NLK: variants seen among roughly 807,000 people sequenced by gnomAD.
NLK encodes nemo like kinase.
Under a neutral mutation model 59.0 loss-of-function variants are expected in NLK, and 11 were observed. That is an observed-to-expected ratio of 0.19 (90% CI 0.12 to 0.31). The LOEUF (loss-of-function observed/expected upper bound fraction) is 0.31. Among genes scored for constraint, NLK ranks in the 10% least tolerant of loss-of-function variants. The pLI is 1.00. For synonymous variants in NLK, 235 were observed against 235.9 expected, an observed-to-expected ratio of 1.00 and a Z score of 0.03; for missense variants, 410 against 661.1, an observed-to-expected ratio of 0.62 and a Z score of 4.16.
At position 28,195,476 on chromosome 17, in the gene NLK, T is replaced by C. The variant is rs2142077329; in HGVS notation, c.*840T>C. 6.6e-6 allele frequency: 1 copy of C among 152,588 alleles called. No homozygotes were observed. Among genetic ancestry groups the C allele is most frequent in the East Asian group, 1.9e-4 (1 of 5,186 alleles). 9.5% of individuals were successfully genotyped at this position (152,588 alleles called of 1,614,324 possible). A position where few individuals can be genotyped will look rare whatever the true frequency, so the allele number is the denominator to read the frequency against. On this transcript the variant is annotated 3_prime_UTR_variant, in exon 11 of 11. Coordinates refer to ENST00000407008, the MANE Select transcript of NLK (RefSeq NM_016231.5). ...TTGCTGTATAGAAAGAGAACTAGCT[T>C]GCACATTTTAGGTCTGTGAAATTTT...
intron 1 of NLK, among the ~76,000 whole-genome samples, chr17:28,116,766 TC>T (rs1905793324): frequency 6.6e-6 from 1 of 152,236 alleles, no homozygotes; most frequent in Non-Finnish European, 1.5e-5. Flanking sequence ...TAAATTTTTT[TC>T]TAGTCCTCAA....
chr17:28,043,199 C>T lies in NLK; in HGVS notation c.326C>T (p.Ala109Val). The change falls in exon 1 of 11, where the codon GCC (alanine) becomes GTC (valine). Residue 109 changes from alanine (A) to valine (V), a missense_variant. Coordinates refer to ENST00000407008, the MANE Select transcript of NLK (RefSeq NM_016231.5). ...CAGGCTCCTGGACCAGCTGCAGCAG[C>T]CCCAGCTCAGGTACAGGCTGCCGCA... ...PGQAPGPAAA[A>V]PAQVQAAAAA... The T allele has an allele frequency of 1.2e-6, 2 of 1,613,990 alleles. No homozygotes were observed. The highest frequency in any genetic ancestry group is 1.3e-5 in the African/African-American group (1 of 75,024).
At chr17:28,127,887 G>A (rs1043885699) in intron 2 of NLK, among the ~76,000 whole-genome samples, 1 of 152,116 alleles carries the variant, frequency 6.6e-6, no homozygotes, top group African/African-American at 2.4e-5. Context: ...AAGGTATAAA[G>A]CACAAGATAT....
intron 1 of NLK, among the ~76,000 whole-genome samples, chr17:28,092,878 A>C (rs1391323373): frequency 2.6e-5 from 4 of 151,472 alleles, no homozygotes; most frequent in Admixed American, 1.3e-4. Context: ...TCACTGCAAC[A>C]TCCGCCTCCC....
chr17:28,120,238 GTGTGT>G (rs1905972057), intron 1 of NLK, among the ~76,000 whole-genome samples: 4 of 16,722 alleles, frequency 2.4e-4, no homozygotes, highest in African/African-American at 1.1e-3. Flanking sequence ...GGCTTGGGGT[GTGTGT>G]GTGTGTGTGT....
chr17:28,136,283 C>T (rs962129691), intron 3 of NLK, among the ~76,000 whole-genome samples: 1 of 152,168 alleles, frequency 6.6e-6, no homozygotes, highest in African/African-American at 2.4e-5. Flanking sequence ...ACCTAAACTT[C>T]AGTAGTCTTC....
At chr17:28,051,535 T>G (rs1380760180) in intron 1 of NLK, among the ~76,000 whole-genome samples, 8 of 152,042 alleles carry the variant, frequency 5.3e-5, no homozygotes, top group Admixed American at 3.3e-4. Flanking sequence ...ATTTTTGTAT[T>G]TTTAGTAGAG....
At chr17:28,141,192 TTTTA>T (rs1245913203) in intron 3 of NLK, among the ~76,000 whole-genome samples, 3 of 152,194 alleles carry the variant, frequency 2.0e-5, no homozygotes, top group Non-Finnish European at 4.4e-5. Flanking sequence ...TGGACCACTA[TTTTA>T]TTTCATCTCT....
At chr17:28,108,585 A>G (rs1905306886) in intron 1 of NLK, among the ~76,000 whole-genome samples, 2 of 152,368 alleles carry the variant, frequency 1.3e-5, no homozygotes, top group South Asian at 4.1e-4. Flanking sequence ...ATGATATAGC[A>G]ACAAATATAT....
intron 5 of NLK, among the ~76,000 whole-genome samples, chr17:28,165,488 A>G (rs1908185013): frequency 1.3e-5 from 2 of 152,220 alleles, no homozygotes; most frequent in Non-Finnish European, 1.5e-5. Context: ...TTATGGGCCT[A>G]CTTTTAAAAA....
intron 1 of NLK, among the ~76,000 whole-genome samples, chr17:28,044,828 A>G (rs1430137772): frequency 6.6e-6 from 1 of 152,118 alleles, no homozygotes; most frequent in East Asian, 1.9e-4. Flanking sequence ...ACTTGTTTGG[A>G]TCTTCTTAGA....
At chr17:28,060,621 GA>G (rs1329879904) in intron 1 of NLK, among the ~76,000 whole-genome samples, 1 of 152,138 alleles carries the variant, frequency 6.6e-6, no homozygotes, top group Non-Finnish European at 1.5e-5. Context: ...ACCCAACAGA[GA>G]ATGGGCAAAA....
intron 2 of NLK, among the ~76,000 whole-genome samples, chr17:28,123,802 AC>A (rs1411474879): frequency 6.6e-6 from 1 of 152,244 alleles, no homozygotes; most frequent in Admixed American, 6.5e-5. Context: ...AAAATTTGAT[AC>A]ATGTAAAATT....
intron 1 of NLK, among the ~76,000 whole-genome samples, chr17:28,113,440 T>C (rs925909885): frequency 2.0e-5 from 3 of 152,340 alleles, no homozygotes; most frequent in Admixed American, 6.5e-5. Context: ...TGCCCATTTT[T>C]ATGATTATTT....
intron 1 of NLK, among the ~76,000 whole-genome samples, chr17:28,059,301 AT>A (rs1055567706): frequency 2.6e-5 from 4 of 151,092 alleles, no homozygotes; most frequent in South Asian, 2.1e-4. Flanking sequence ...TGGATTTTTT[AT>A]TTTTTTTTAA....
At chr17:28,109,944 A>G (rs1299954657) in intron 1 of NLK, among the ~76,000 whole-genome samples, 1 of 152,210 alleles carries the variant, frequency 6.6e-6, no homozygotes, top group Non-Finnish European at 1.5e-5. Context: ...TTTTACCAGT[A>G]ATGTAAAAGG....
chr17:28,047,692 G>C (rs2142731259), intron 1 of NLK, among the ~76,000 whole-genome samples: 1 of 152,328 alleles, frequency 6.6e-6, no homozygotes, highest in East Asian at 1.9e-4. Flanking sequence ...AAATTACTCA[G>C]TATAAGCCCT....
downstream of NLK, among the ~76,000 whole-genome samples, chr17:28,198,410 G>A (rs951639619): frequency 3.3e-5 from 5 of 151,966 alleles, no homozygotes; most frequent in South Asian, 2.1e-4. Context: ...CACAATCTCC[G>A]CCTCCCAGGC....
At chr17:28,115,439 CT>C (rs1905723642) in intron 1 of NLK, among the ~76,000 whole-genome samples, 1 of 152,168 alleles carries the variant, frequency 6.6e-6, no homozygotes. Flanking sequence ...GCAGAGCCAA[CT>C]TTTTGGTAAG....
Sources: gnomAD v4.1 joint callset for allele counts (sites outside exome capture counted in the v4.1 genomes callset) on GRCh38, gnomAD v4.1.1 for gene constraint, MANE v1.5 for transcripts, NCBI Gene and HGNC (gene_info 2026-07-23, HGNC 2026-07-21) for gene names.